PAH: variants seen among roughly 807,000 people sequenced by gnomAD.
PAH encodes the protein phenylalanine hydroxylase.
Under a neutral mutation model 62.0 loss-of-function variants are expected in PAH, and 64 were observed. The observed-to-expected ratio is 1.03, with a 90% CI of 0.84 to 1.27. The LOEUF is 1.27. Among genes scored for constraint, PAH ranks in the 50% most tolerant of loss-of-function variants. The probability of loss-of-function intolerance (pLI) is 0.00; values close to 1 mark genes in which losing one functional copy is unlikely to be tolerated. For synonymous variants in PAH, 195 were observed against 196.2 expected, an observed-to-expected ratio of 0.99 and a Z score of 0.05; for missense variants, 579 against 542.8, an observed-to-expected ratio of 1.07 and a Z score of -0.66.
intron 2 of PAH, among the ~76,000 whole-genome samples, chr12:102,896,428 T>C (rs1351676813): frequency 2.6e-5 from 4 of 152,202 alleles, no homozygotes; most frequent in Non-Finnish European, 5.9e-5. Context: ...TTGCAAGATT[T>C]TGAGCAGAGG....
intron 1 of PAH, among the ~76,000 whole-genome samples, chr12:102,929,129 T>C (rs1370618374): frequency 6.6e-6 from 1 of 152,192 alleles, no homozygotes; most frequent in Non-Finnish European, 1.5e-5. Context: ...TCCACCATGA[T>C]TGTCAGTTTC....
intron 5 of PAH, among the ~76,000 whole-genome samples, chr12:102,865,123 A>G (rs1454234022): frequency 6.6e-6 from 1 of 152,166 alleles, no homozygotes; most frequent in Non-Finnish European, 1.5e-5. Context: ...CAGGATTGTG[A>G]GGTGATTCAC....
At chr12:102,845,402 G>C (rs774675667) in intron 9 of PAH, among the ~76,000 whole-genome samples, 3 of 152,168 alleles carry the variant, frequency 2.0e-5, no homozygotes, top group Non-Finnish European at 4.4e-5. Context: ...CACAACAGTG[G>C]GAGGTAGCAG....
chr12:102,957,975 C>G lies in PAH; in HGVS notation c.-96+220G>C, dbSNP rs1247512814. On this transcript the variant is annotated intron_variant, in intron 1 of 4. Transcript: ENST00000551337. This position sits in a 1 kb window ranked among gnomAD's most constrained non-coding sequence, Gnocchi z 4.1. ...ACACGCGAGCGCCACGCGAGGCTCC[C>G]GAAGCCAACCCGCGAAGGGAGGAGG... The G allele has an allele frequency of 3.1e-6, 1 of 319,244 alleles. No individual in the cohort carries two copies. Among genetic ancestry groups the G allele is most frequent in the African/African-American group, 2.2e-5 (1 of 46,270 alleles). The allele number at this position is 319,244 out of a possible 1,614,324, so 19.8% of individuals were successfully genotyped here. A position where few individuals can be genotyped will look rare whatever the true frequency, so the allele number is the denominator to read the frequency against.
At chr12:102,862,120 A>T (rs1267747087) in intron 5 of PAH, among the ~76,000 whole-genome samples, 2 of 152,196 alleles carry the variant, frequency 1.3e-5, no homozygotes, top group Admixed American at 6.5e-5. Context: ...TCACTGCAGC[A>T]CTATTCACGA....
chr12:102,884,213 G>A (rs532563558), intron 3 of PAH, among the ~76,000 whole-genome samples: 1 of 152,240 alleles, frequency 6.6e-6, no homozygotes, highest in Non-Finnish European at 1.5e-5. Flanking sequence ...TTCACCAGCT[G>A]TCATGTTGGA....
chr12:102,952,605 G>GA, upstream of PAH, among the ~76,000 whole-genome samples: 2 of 152,102 alleles, frequency 1.3e-5, no homozygotes, highest in African/African-American at 4.8e-5. Context: ...TGGGGCTTTA[G>GA]AAAAAAATAA....
rs1718310 is a variant in PAH at position 102,848,135 on chromosome 12, A to C, written c.913-1184T>G. Among the ~76,000 whole-genome samples the C allele has an allele frequency of 1.5e-3, 221 of 152,056 alleles. 5 individuals carry two copies. Among genetic ancestry groups the C allele is most frequent in the Admixed American group, 0.012 (186 of 15,278 alleles). ...ACCAAGCACTCCTTCTGCCTGCTGT[A>C]TGAGAATAGATGGTAGCAGTTGAGG... On this transcript the variant is annotated intron_variant, in intron 8 of 12. Coordinates refer to ENST00000553106, the MANE Select transcript of PAH (RefSeq NM_000277.3).
chr12:102,919,589 C>G (rs1878504943), upstream of PAH, among the ~76,000 whole-genome samples: 1 of 152,136 alleles, frequency 6.6e-6, no homozygotes, highest in African/African-American at 2.4e-5. Flanking sequence ...ACCTCCCCTC[C>G]AGGCCCCTAC....
chr12:102,922,043 A>G (rs376392764), upstream of PAH, among the ~76,000 whole-genome samples: 21 of 152,260 alleles, frequency 1.4e-4, no homozygotes, highest in East Asian at 1.7e-3. Context: ...CCTGTTCATC[A>G]GGCACCTGAT....
chr12:102,931,141 G>A (rs1878856455), intron 1 of PAH, among the ~76,000 whole-genome samples: 1 of 151,980 alleles, frequency 6.6e-6, no homozygotes, highest in African/African-American at 2.4e-5. Flanking sequence ...CTTCAATAAG[G>A]TGGCATTTAC....
At chr12:102,865,947 TAA>T (rs55842976) in intron 5 of PAH, among the ~76,000 whole-genome samples, 2,070 of 152,276 alleles carry the variant, frequency 0.014, 27 homozygotes, top group Non-Finnish European at 0.021. Context: ...GTCAAAACAC[TAA>T]GTTTCCCATG....
Position 102,868,079 on chromosome 12 carries a change from T to TATAC in PAH, c.442-1417_442-1416insGTAT, listed in dbSNP as rs1491279056. Among the ~76,000 whole-genome samples the TATAC allele has an allele frequency of 8.9e-4, 47 of 53,058 alleles. 7 individuals are homozygous for TATAC. Among genetic ancestry groups the TATAC allele is most frequent in the African/African-American group, 3.9e-3 (44 of 11,272 alleles). 34.8% of individuals were successfully genotyped at this position (53,058 alleles called of 152,430 possible). A position where few individuals can be genotyped will look rare whatever the true frequency, so the allele number is the denominator to read the frequency against. Reference sequence around the variant, plus strand: ...ATATATACACATATATATACATATATGTGTGTGTGTATATATATATATATA... The same window carrying TATAC: ...ATATATACACATATATATACATATATATACGTGTGTGTGTATATATATATATATA... On this transcript the variant is annotated intron_variant, in intron 4 of 12. Coordinates refer to ENST00000553106, the MANE Select transcript of PAH (RefSeq NM_000277.3).
chr12:102,891,267 T>C (rs901360976), intron 3 of PAH, among the ~76,000 whole-genome samples: 1 of 152,078 alleles, frequency 6.6e-6, no homozygotes, highest in Non-Finnish European at 1.5e-5. Flanking sequence ...ACAGGCAGAT[T>C]GACCCTTTCT....
chr12:102,844,793 A>T (rs1016147707), intron 9 of PAH, among the ~76,000 whole-genome samples: 42 of 152,140 alleles, frequency 2.8e-4, no homozygotes, highest in Admixed American at 2.2e-3. Context: ...CCCAACCACC[A>T]CCCAGGGGTT....
At chr12:102,892,996 C>T (rs2136699270) in intron 3 of PAH, among the ~76,000 whole-genome samples, 2 of 152,076 alleles carry the variant, frequency 1.3e-5, no homozygotes, top group South Asian at 4.2e-4. Context: ...AAAAAAAATA[C>T]CACACAAATG....
At chr12:102,873,061 C>T (rs577057216) in intron 4 of PAH, among the ~76,000 whole-genome samples, 3 of 152,270 alleles carry the variant, frequency 2.0e-5, no homozygotes, top group Admixed American at 1.3e-4. Flanking sequence ...CACTAAGAAG[C>T]CCCCTCTATT....
chr12:102,904,092 AG>A (rs929195310), intron 2 of PAH, among the ~76,000 whole-genome samples: 1 of 152,158 alleles, frequency 6.6e-6, no homozygotes. Context: ...TTAGCAGGTA[AG>A]GGTTTTGGTA....
intron 2 of PAH, among the ~76,000 whole-genome samples, chr12:102,896,727 G>T (rs1377243539): frequency 6.6e-6 from 1 of 152,128 alleles, no homozygotes; most frequent in African/African-American, 2.4e-5. Flanking sequence ...GCCACCCTCA[G>T]ATTTGACTAT....
Sources: gnomAD v4.1 joint callset for allele counts (sites outside exome capture counted in the v4.1 genomes callset) on GRCh38, gnomAD v4.1.1 for gene constraint, Gnocchi (gnomAD v3.1) non-coding constraint, MANE v1.5 for transcripts, NCBI Gene and HGNC (gene_info 2026-07-23, HGNC 2026-07-21) for gene names.